Variants in KHDRBS2 observed in about 807,000 individuals in gnomAD.
The protein encoded by KHDRBS2 is KH RNA binding domain containing, signal transduction associated 2.
Under a neutral mutation model 44.3 loss-of-function variants are expected in KHDRBS2, and 26 were observed. The ratio of observed to expected loss-of-function variants is 0.59; its 90% confidence interval spans 0.43 to 0.81. The LOEUF (loss-of-function observed/expected upper bound fraction) is 0.81. KHDRBS2 is among the 40% of genes least tolerant of loss of function. KHDRBS2 has a pLI of 0.00. For synonymous variants in KHDRBS2, 194 were observed against 151.1 expected (o/e 1.28, Z -2.08); for missense variants, 476 against 433.1 (o/e 1.10, Z -0.88).
At chr6:61,676,357 T>C (rs1406417064), downstream of KHDRBS2, among the ~76,000 whole-genome samples, 2 of 151,900 alleles carry the variant, frequency 1.3e-5, no homozygotes, top group Non-Finnish European at 2.9e-5. Context: ...TCCATTCCGC[T>C]GAGTGCAGAA....
At chr6:61,609,968 T>C in the KHDRBS2 span, among the ~76,000 whole-genome samples, 1 of 152,120 alleles carries the variant, frequency 6.6e-6, no homozygotes, top group Non-Finnish European at 1.5e-5. Context: ...GGTCAGGAGA[T>C]AGATACCAAC....
intron 4 of KHDRBS2, among the ~76,000 whole-genome samples, chr6:61,911,295 G>A (rs1806005862): frequency 6.6e-6 from 1 of 152,102 alleles, no homozygotes; most frequent in African/African-American, 2.4e-5. Flanking sequence ...CTTTTATGTA[G>A]TCAGTGCATT....
At chr6:62,258,286 T>C (rs955774663) in intron 1 of KHDRBS2, among the ~76,000 whole-genome samples, 5 of 152,160 alleles carry the variant, frequency 3.3e-5, no homozygotes, top group African/African-American at 1.2e-4. Context: ...GTGTCATAGA[T>C]AGACTGAAAG....
rs1156960442 is a variant in KHDRBS2, at chr6:62,238,051, T to A, written c.91+47807A>T. 9.0e-4 allele frequency among the ~76,000 whole-genome samples: 67 copies of A among 74,540 alleles called. 1 individual carries two copies. Among genetic ancestry groups the A allele is most frequent in the African/African-American group, 3.3e-3 (66 of 19,968 alleles). The allele number at this position is 74,540 out of a possible 152,430, so 48.9% of individuals were successfully genotyped here. On this transcript the variant is annotated intron_variant, in intron 1 of 8. Coordinates refer to ENST00000281156, the MANE Select transcript of KHDRBS2 (RefSeq NM_152688.4). The stretch of plus-strand genomic sequence containing the variant: ...CTAGGCAACAGGGCAAGACTCTGTC[T>A]CAAAAAAAAAAAAAAAAAAATTGAT...
At chr6:62,182,708 AG>A (rs1183587030) in intron 1 of KHDRBS2, among the ~76,000 whole-genome samples, 1 of 151,928 alleles carries the variant, frequency 6.6e-6, no homozygotes, top group Non-Finnish European at 1.5e-5. Flanking sequence ...TATAGAAAAT[AG>A]GAGATGCAAT....
At chr6:61,550,055 A>G in the KHDRBS2 span, among the ~76,000 whole-genome samples, 1 of 152,044 alleles carries the variant, frequency 6.6e-6, no homozygotes, top group African/African-American at 2.4e-5. Flanking sequence ...TTTCTTTTGA[A>G]TTTTTATTTT....
chr6:61,923,251 A>G (rs1284722263), intron 4 of KHDRBS2, among the ~76,000 whole-genome samples: 2 of 152,112 alleles, frequency 1.3e-5, no homozygotes, highest in African/African-American at 4.8e-5. Context: ...TAAAAAAATT[A>G]AAAAGAGAAG....
intron 1 of KHDRBS2, among the ~76,000 whole-genome samples, chr6:62,237,493 T>C (rs1833887760): frequency 1.3e-5 from 2 of 152,192 alleles, no homozygotes; most frequent in Admixed American, 1.3e-4. Flanking sequence ...CTGGCTTGGA[T>C]TTATTGTTTG....
At chr6:61,628,385 C>T in the KHDRBS2 span, among the ~76,000 whole-genome samples, 1 of 152,020 alleles carries the variant, frequency 6.6e-6, no homozygotes, top group Non-Finnish European at 1.5e-5. Flanking sequence ...CCCACTGCAA[C>T]ATCTCTCAAG....
chr6:62,175,317 G>C (rs942190135), intron 2 of KHDRBS2, among the ~76,000 whole-genome samples: 3 of 151,546 alleles, frequency 2.0e-5, no homozygotes, highest in Non-Finnish European at 4.4e-5. Flanking sequence ...AGCATGAATT[G>C]TTATTTGAGA....
chr6:61,635,777 T>C, the KHDRBS2 span, among the ~76,000 whole-genome samples: 1 of 152,018 alleles, frequency 6.6e-6, no homozygotes, highest in Admixed American at 6.6e-5. Context: ...TAAAAATCAT[T>C]ATTAAAAAGC....
chr6:62,043,255 A>G (rs998898913), intron 3 of KHDRBS2, among the ~76,000 whole-genome samples: 5 of 152,072 alleles, frequency 3.3e-5, no homozygotes, highest in African/African-American at 1.2e-4. Flanking sequence ...GCAACACTCT[A>G]TCTGAAGCTA....
the KHDRBS2 span, among the ~76,000 whole-genome samples, chr6:61,591,436 T>C: frequency 6.6e-6 from 1 of 152,050 alleles, no homozygotes; most frequent in African/African-American, 2.4e-5. Flanking sequence ...AGTAAAACAA[T>C]AGGAAAACAA....
At chr6:62,175,698 G>A (rs1820951900) in intron 2 of KHDRBS2, among the ~76,000 whole-genome samples, 1 of 151,432 alleles carries the variant, frequency 6.6e-6, no homozygotes, top group Admixed American at 6.6e-5. Context: ...TTTTATTGTT[G>A]GAGCATTTTC....
At chr6:61,881,820 G>A (rs1193234921) in intron 6 of KHDRBS2, among the ~76,000 whole-genome samples, 1 of 151,978 alleles carries the variant, frequency 6.6e-6, no homozygotes, top group African/African-American at 2.4e-5. Context: ...ACAACAACGG[G>A]TGCTCTGTAC....
intron 2 of KHDRBS2, among the ~76,000 whole-genome samples, chr6:62,131,630 C>T (rs1208438702): frequency 6.6e-6 from 1 of 152,146 alleles, no homozygotes; most frequent in Non-Finnish European, 1.5e-5. Context: ...AGATATCCTC[C>T]CCTTACTTTC....
chr6:61,860,224 C>T (rs892806269), intron 6 of KHDRBS2, among the ~76,000 whole-genome samples: 2 of 151,880 alleles, frequency 1.3e-5, no homozygotes, highest in African/African-American at 2.4e-5. Flanking sequence ...ACCAGAGACA[C>T]AAAAATTCCC....
chr6:62,133,288 G>A (rs1292753117), intron 2 of KHDRBS2, among the ~76,000 whole-genome samples: 1 of 152,034 alleles, frequency 6.6e-6, no homozygotes, highest in African/African-American at 2.4e-5. Flanking sequence ...TGAATCATGG[G>A]GGCAGCTTTC....
At chr6:61,868,624 C>T (rs2127300591) in intron 6 of KHDRBS2, among the ~76,000 whole-genome samples, 1 of 152,144 alleles carries the variant, frequency 6.6e-6, no homozygotes, top group Admixed American at 6.5e-5. Context: ...TTGCTGGGGG[C>T]AGGGGTCGGG....
Sources: allele counts gnomAD v4.1 joint callset (sites outside exome capture counted in the v4.1 genomes callset), GRCh38; gene constraint gnomAD v4.1.1; transcripts MANE v1.5; gene names NCBI Gene and HGNC (gene_info 2026-07-23, HGNC 2026-07-21).